Variants in YTHDC1 observed in about 807,000 individuals in gnomAD.
The protein encoded by YTHDC1 is YTH domain-containing protein 1.
A neutral mutation model predicts 107.0 loss-of-function variants in YTHDC1; 12 were observed. That is an observed-to-expected ratio of 0.11 (90% CI 0.07 to 0.18). The LOEUF (loss-of-function observed/expected upper bound fraction) is 0.18. YTHDC1 is among the 10% of genes least tolerant of loss of function. The probability of loss-of-function intolerance (pLI) is 1.00; values close to 1 mark genes in which losing one functional copy is unlikely to be tolerated. For synonymous variants in YTHDC1, 280 were observed against 289.5 expected, an observed-to-expected ratio of 0.97 and a Z score of 0.33; for missense variants, 635 against 898.8, an observed-to-expected ratio of 0.71 and a Z score of 3.75.
At chr4:68,329,837 A>C (rs1482739187) in intron 9 of YTHDC1, among the ~76,000 whole-genome samples, 165 bp downstream of exon 9, 2 of 152,188 alleles carry the variant, frequency 1.3e-5, no homozygotes, top group Non-Finnish European at 2.9e-5. Flanking sequence ...AATCAAATAC[A>C]TGTAACTTTA....
At chr4:68,329,410 G>C (rs1047833957) in intron 9 of YTHDC1, among the ~76,000 whole-genome samples, 1 of 152,086 alleles carries the variant, frequency 6.6e-6, no homozygotes, top group Non-Finnish European at 1.5e-5. Context: ...TCTCCTTTCA[G>C]ACACTTTTTA....
chr4:68,330,637 G>GT (rs562843776), intron 7 of YTHDC1, among the ~76,000 whole-genome samples: 111 of 152,144 alleles, frequency 7.3e-4, no homozygotes, highest in Middle Eastern at 6.8e-3. Flanking sequence ...ATTTACTGTG[G>GT]TAAATACATC....
intron 1 of YTHDC1, among the ~76,000 whole-genome samples, chr4:68,341,752 T>G (rs1724824368): frequency 6.6e-6 from 1 of 152,182 alleles, no homozygotes; most frequent in African/African-American, 2.4e-5. Flanking sequence ...GAATATAATA[T>G]ACAAGGGGAA....
At chr4:68,317,986 CTAA>C (rs2109680907) in intron 15 of YTHDC1, among the ~76,000 whole-genome samples, 1 of 152,334 alleles carries the variant, frequency 6.6e-6, no homozygotes, top group African/African-American at 2.4e-5. Flanking sequence ...CTTTGCACTA[CTAA>C]TTACTACCAT....
intron 1 of YTHDC1, among the ~76,000 whole-genome samples, chr4:68,346,604 G>A (rs144428464): frequency 5.3e-4 from 81 of 152,146 alleles, no homozygotes; most frequent in African/African-American, 1.9e-3. Flanking sequence ...TCATCCCTTT[G>A]GTCAACAAAT....
chr4:68,332,974 A>C lies in YTHDC1; in HGVS notation c.974-127T>G. 4.0e-6 allele frequency: 3 copies of C among 751,424 alleles called. No individual in the cohort carries two copies. In the South Asian group the frequency reaches 5.7e-5, roughly 14 times the overall value. The allele number at this position is 751,424 out of a possible 1,614,324, so 46.5% of individuals were successfully genotyped here. Reference sequence around the variant, plus strand: ...TTCTTCCTGGCGCACCCACACACACAAAAAAAACTTCTCAATGTGTACGAG... The same window carrying C: ...TTCTTCCTGGCGCACCCACACACACCAAAAAAACTTCTCAATGTGTACGAG... On this transcript the variant is annotated intron_variant, in intron 5 of 16. Transcript: ENST00000344157.
Position 68,314,236 on chromosome 4 carries a change from G to T in YTHDC1, c.2047C>A (p.Arg683=), listed in dbSNP as rs763278657. 12 of 1,613,508 alleles carry T rather than the reference G, an allele frequency of 7.4e-6. No individual in the cohort carries two copies. The highest frequency in any genetic ancestry group is 1.0e-5 in the Non-Finnish European group (12 of 1,179,902). Residue 683 remains arginine (R), a synonymous_variant, in exon 17 of 17, where the codon CGG becomes AGG. Coordinates refer to ENST00000344157, the MANE Select transcript of YTHDC1 (RefSeq NM_001031732.4). ...CTAGGGCGGTCTCGCTCTCGTTCCCGGTCTCTTTCACGGGGTCTACTTCTC... is the reference window on the plus strand; with the variant it reads ...CTAGGGCGGTCTCGCTCTCGTTCCCTGTCTCTTTCACGGGGTCTACTTCTC... ...GRRSRPRERD[R]ERERDRPRDN...
chr4:68,313,261 T>G lies in YTHDC1; in HGVS notation c.*838A>C, dbSNP rs536312166. Reference sequence around the variant, plus strand: ...TTCCTGAACAAAAAGCATGCTTTTATGTCCATTATTGCATAATAAAACAAA... The same window carrying G: ...TTCCTGAACAAAAAGCATGCTTTTAGGTCCATTATTGCATAATAAAACAAA... On this transcript the variant is annotated 3_prime_UTR_variant, in exon 17 of 17. Coordinates refer to ENST00000344157, the MANE Select transcript of YTHDC1 (RefSeq NM_001031732.4). The G allele has an allele frequency of 3.9e-5, 6 of 152,608 alleles. No individual in the cohort carries two copies. In the South Asian group the frequency reaches 1.2e-3, roughly 32 times the overall value. 9.5% of individuals were successfully genotyped at this position (152,608 alleles called of 1,614,324 possible).
In YTHDC1 at chr4:68,316,398, G is replaced by A; in HGVS notation, c.1875C>T (p.His625=). 1.9e-6 allele frequency: 3 copies of A among 1,613,972 alleles called. No homozygotes were observed. The highest frequency in any genetic ancestry group is 2.2e-5 in the South Asian group (2 of 91,068). The change falls in exon 16 of 17, where the codon CAC becomes CAT. Residue 625 remains histidine, a synonymous_variant. Transcript: ENST00000344157. Reference sequence around the variant, plus strand: ...GATGAGCTTGAGGAGGTGGAGCATGGTGCTGATAGTAAGGATGGTGTGGAG... The same window carrying A: ...GATGAGCTTGAGGAGGTGGAGCATGATGCTGATAGTAAGGATGGTGTGGAG... ...EQPPHHPYYQ[H]HAPPPQAHPP...
At position 68,314,003 on chromosome 4, in the gene YTHDC1, A is replaced by T. The variant is rs2109670773; in HGVS notation, c.*96T>A. 2 of 1,233,832 alleles carry T rather than the reference A, an allele frequency of 1.6e-6. No homozygotes were observed. The highest frequency in any genetic ancestry group is 1.4e-5 in the South Asian group (1 of 72,110). 76.4% of individuals were successfully genotyped at this position (1,233,832 alleles called of 1,614,324 possible). On this transcript the variant is annotated 3_prime_UTR_variant, in exon 17 of 17. Transcript: ENST00000344157. ...CTTCTACACAATGAACTTCATAGGC[A>T]GACAGCTGAAAATAAATTTACTACT...
intron 4 of YTHDC1, among the ~76,000 whole-genome samples, chr4:68,334,685 A>ATT (rs1723963948): frequency 6.6e-6 from 1 of 152,022 alleles, no homozygotes; most frequent in Non-Finnish European, 1.5e-5. Context: ...ACTGAGTGTA[A>ATT]TTTATCTCTT....
chr4:68,334,693 C>G (rs1242400523), intron 4 of YTHDC1, among the ~76,000 whole-genome samples: 1 of 151,990 alleles, frequency 6.6e-6, no homozygotes, highest in Non-Finnish European at 1.5e-5. Context: ...TAATTTATCT[C>G]TTGTTGCTGT....
intron 1 of YTHDC1, among the ~76,000 whole-genome samples, chr4:68,349,205 G>A (rs1272272420): frequency 1.3e-5 from 2 of 152,136 alleles, no homozygotes; most frequent in Non-Finnish European, 2.9e-5. Context: ...GGAACAAAAC[G>A]GGTAATTCAC....
intron 9 of YTHDC1, 49 bp downstream of exon 9, chr4:68,329,953 G>T (rs1723397311): frequency 1.5e-6 from 2 of 1,337,646 alleles, no homozygotes; most frequent in Non-Finnish European, 2.1e-6. Context: ...ATTCTAAACT[G>T]GTAGTGTATT....
At position 68,311,303 on chromosome 4, in the gene YTHDC1, A is replaced by C. The variant is rs988700172; in HGVS notation, c.*2796T>G. 24 of 152,220 alleles carry C rather than the reference A, an allele frequency of 1.6e-4. No individual in the cohort carries two copies. Among genetic ancestry groups the C allele is most frequent in the African/African-American group, 5.8e-4 (24 of 41,462 alleles). 9.4% of individuals were successfully genotyped at this position (152,220 alleles called of 1,614,324 possible). A position where few individuals can be genotyped will look rare whatever the true frequency, so the allele number is the denominator to read the frequency against. ...CTGAAAAATTAGACCATGCTTGAAA[A>C]AAAGCCATTATGGAGGAAATCATTA... is the stretch of plus-strand genomic sequence containing the variant. On this transcript the variant is annotated 3_prime_UTR_variant, in exon 17 of 17. Transcript: ENST00000344157.
chr4:68,342,491 T>C (rs1023642858), intron 1 of YTHDC1, among the ~76,000 whole-genome samples: 2 of 152,192 alleles, frequency 1.3e-5, no homozygotes, highest in Admixed American at 6.5e-5. Flanking sequence ...AGGGGACACA[T>C]ATTCCAATCA....
At chr4:68,314,981 A>G (rs1721661671) in intron 16 of YTHDC1, among the ~76,000 whole-genome samples, 1 of 152,206 alleles carries the variant, frequency 6.6e-6, no homozygotes, top group Admixed American at 6.5e-5. Context: ...TACCTTTTAT[A>G]TATGTGATTA....
intron 11 of YTHDC1, among the ~76,000 whole-genome samples, chr4:68,321,758 A>C (rs955717723): frequency 6.6e-6 from 1 of 152,148 alleles, no homozygotes; most frequent in Non-Finnish European, 1.5e-5. Context: ...GGATGTCTCC[A>C]CCAAAAGGAA....
intron 1 of YTHDC1, among the ~76,000 whole-genome samples, chr4:68,342,137 G>A (rs1319231841): frequency 6.6e-6 from 1 of 152,098 alleles, no homozygotes; most frequent in Non-Finnish European, 1.5e-5. Flanking sequence ...CCTAAAACTT[G>A]ACTTAAAATG....
Sources: gnomAD v4.1 joint callset for allele counts (sites outside exome capture counted in the v4.1 genomes callset) on GRCh38, gnomAD v4.1.1 for gene constraint, MANE v1.5 for transcripts, NCBI Gene and HGNC (gene_info 2026-07-23, HGNC 2026-07-21) for gene names.